MANBA: variants seen among roughly 807,000 people sequenced by gnomAD.
MANBA encodes the protein beta-mannosidase.
A neutral mutation model predicts 111.1 loss-of-function variants in MANBA; 83 were observed. That is an observed-to-expected ratio of 0.75 (90% confidence interval 0.63 to 0.90). The LOEUF (loss-of-function observed/expected upper bound fraction) is 0.90. Ranked by LOEUF, MANBA falls within the 40% of genes least tolerant of loss-of-function variation. The pLI, the probability that MANBA is intolerant of heterozygous loss-of-function variation, is 0.00. For synonymous variants in MANBA, 370 were observed against 378.7 expected (o/e 0.98, Z 0.27); for missense variants, 1,036 against 1,069.0 (o/e 0.97, Z 0.43).
At chr4:102,743,235 A>G (rs1344873758) in intron 1 of MANBA, among the ~76,000 whole-genome samples, 1 of 152,176 alleles carries the variant, frequency 6.6e-6, no homozygotes, top group East Asian at 1.9e-4. Flanking sequence ...CAATTTTCCA[A>G]TCATGCTTCT....
At chr4:102,727,848 G>T in intron 1 of MANBA, 1 of 599,146 alleles carries the variant, frequency 1.7e-6, no homozygotes, top group Non-Finnish European at 3.0e-6. Context: ...TGAAGACTCA[G>T]GTCTCCTAAA....
intron 5 of MANBA, among the ~76,000 whole-genome samples, chr4:102,698,470 T>C (rs1732847073): frequency 6.7e-6 from 1 of 149,008 alleles, no homozygotes; most frequent in Non-Finnish European, 1.5e-5. Context: ...GGTTTTCTTC[T>C]AGGGTTTTTA....
At chr4:102,726,745 C>T (rs1722823529) in intron 1 of MANBA, 62 bp from the exon 2 acceptor site, 1 of 837,394 alleles carries the variant, frequency 1.2e-6, no homozygotes, top group Admixed American at 1.9e-5. Flanking sequence ...ATTAATAAAA[C>T]AAACATAAAA....
chr4:102,647,988 G>T (rs1180301831), intron 13 of MANBA, among the ~76,000 whole-genome samples: 1 of 152,008 alleles, frequency 6.6e-6, no homozygotes, highest in Non-Finnish European at 1.5e-5. Flanking sequence ...GTCTACTTCA[G>T]ATCAACTTTA....
chr4:102,755,278 G>A (rs562858750), intron 1 of MANBA, among the ~76,000 whole-genome samples: 2 of 152,210 alleles, frequency 1.3e-5, no homozygotes, highest in South Asian at 4.1e-4. Flanking sequence ...TAGAGATATA[G>A]ACCAATGGAA....
chr4:102,640,674 G>A (rs1729841810), intron 13 of MANBA, among the ~76,000 whole-genome samples: 1 of 152,168 alleles, frequency 6.6e-6, no homozygotes, highest in Non-Finnish European at 1.5e-5. Context: ...AGAACAAGAA[G>A]GCCTTAGAAT....
At chr4:102,754,716 C>T (rs928545958) in intron 1 of MANBA, among the ~76,000 whole-genome samples, 1 of 151,954 alleles carries the variant, frequency 6.6e-6, no homozygotes, top group African/African-American at 2.4e-5. Flanking sequence ...GCCACCACGC[C>T]GGACTAATTT....
At chr4:102,750,373 T>C (rs1401249130) in intron 1 of MANBA, among the ~76,000 whole-genome samples, 2 of 152,148 alleles carry the variant, frequency 1.3e-5, no homozygotes, top group Admixed American at 1.3e-4. Context: ...ATTTCATCCT[T>C]ACAAGTCTTA....
chr4:102,745,982 G>A (rs143298218), intron 1 of MANBA, among the ~76,000 whole-genome samples: 2,780 of 152,258 alleles, frequency 0.018, 107 homozygotes, highest in African/African-American at 0.064. Context: ...GGCTCCTGAG[G>A]AGAATCAACG....
chr4:102,713,173 G>C (rs1316142424), intron 5 of MANBA, among the ~76,000 whole-genome samples: 1 of 152,080 alleles, frequency 6.6e-6, no homozygotes, highest in African/African-American at 2.4e-5. Context: ...AAGGTCACCA[G>C]GGCTCTCAAG....
intron 7 of MANBA, among the ~76,000 whole-genome samples, chr4:102,687,680 A>T (rs1436771569): frequency 6.6e-6 from 1 of 152,096 alleles, no homozygotes; most frequent in Non-Finnish European, 1.5e-5. Flanking sequence ...CTGCACTTCC[A>T]TGGCACTCTC....
chr4:102,753,408 T>C (rs1458843471), intron 1 of MANBA, among the ~76,000 whole-genome samples: 1 of 152,150 alleles, frequency 6.6e-6, no homozygotes, highest in Non-Finnish European at 1.5e-5. Flanking sequence ...ATTTTAATCA[T>C]GTAACCTTTC....
At chr4:102,755,166 A>G (rs1185202054) in intron 1 of MANBA, among the ~76,000 whole-genome samples, 4 of 152,104 alleles carry the variant, frequency 2.6e-5, no homozygotes, top group African/African-American at 9.7e-5. Context: ...TTGCCAAGAC[A>G]CTCCTAAGCC....
intron 1 of MANBA, among the ~76,000 whole-genome samples, chr4:102,738,996 GA>G (rs1280626974): frequency 6.6e-6 from 1 of 151,668 alleles, no homozygotes; most frequent in African/African-American, 2.4e-5. Flanking sequence ...AACAAGGGAA[GA>G]AAAAAGATAA....
At chr4:102,728,182 G>C (rs1410359602) in intron 1 of MANBA, 2 of 538,916 alleles carry the variant, frequency 3.7e-6, no homozygotes, top group African/African-American at 3.8e-5. Context: ...CCTGCTCTAT[G>C]TGAGGCTGTT....
chr4:102,726,770 C>A, intron 1 of MANBA, 87 bp from the exon 2 acceptor site: 5 of 763,854 alleles, frequency 6.5e-6, no homozygotes, highest in Non-Finnish European at 1.2e-5. Flanking sequence ...TTATTAACAA[C>A]AGCTATTTAT....
At chr4:102,658,078 C>T (rs1305925007) in intron 11 of MANBA, among the ~76,000 whole-genome samples, 178 bp from the exon 12 acceptor site, 1 of 152,188 alleles carries the variant, frequency 6.6e-6, no homozygotes, top group African/African-American at 2.4e-5. Context: ...TGCTCTTCGC[C>T]AATCCTTTAT....
At chr4:102,747,074 T>A (rs1723614864) in intron 1 of MANBA, among the ~76,000 whole-genome samples, 1 of 151,746 alleles carries the variant, frequency 6.6e-6, no homozygotes, top group Admixed American at 6.6e-5. Context: ...AAGAACTCCA[T>A]CCTTAATATT....
At chr4:102,728,253 C>T (rs1409673428) in intron 1 of MANBA, 28 of 536,410 alleles carry the variant, frequency 5.2e-5, no homozygotes, top group Non-Finnish European at 1.1e-4. Context: ...TCCACAAATG[C>T]CCAGGCACCC....
Sources: allele counts gnomAD v4.1 joint callset (sites outside exome capture counted in the v4.1 genomes callset), GRCh38; gene constraint gnomAD v4.1.1; transcripts MANE v1.5; gene names NCBI Gene and HGNC (gene_info 2026-07-23, HGNC 2026-07-21).